The following MYO1D variants were observed in gnomAD, a reference collection of about 807,000 sequenced individuals.
MYO1D encodes unconventional myosin-Id.
MYO1D carries 83 observed loss-of-function variants against 122.0 expected under a neutral mutation model. The observed-to-expected ratio is 0.68, with a 90% CI of 0.57 to 0.82. The LOEUF (loss-of-function observed/expected upper bound fraction) is 0.82. Among genes scored for constraint, MYO1D ranks in the 40% least tolerant of loss-of-function variants. MYO1D has a pLI of 0.00. For missense variants in MYO1D, 1,157 were observed against 1,269.5 expected (o/e 0.91, Z 1.35); for synonymous variants, 464 against 446.9 (o/e 1.04, Z -0.48).
chr17:32,504,931 T>G (rs1909446678), intron 21 of MYO1D: 1 of 152,482 alleles, frequency 6.6e-6, no homozygotes, highest in Non-Finnish European at 1.5e-5. Flanking sequence ...CCGCTCCCGC[T>G]CCTTCTCCAC....
chr17:32,566,090 AT>A (rs1341886390), intron 21 of MYO1D, among the ~76,000 whole-genome samples: 2 of 152,076 alleles, frequency 1.3e-5, no homozygotes, highest in African/African-American at 4.8e-5. Flanking sequence ...ACAGCTTCCT[AT>A]ATATTCATTC....
At chr17:32,640,281 AAC>A (rs1037574904) in intron 19 of MYO1D, among the ~76,000 whole-genome samples, 1 of 152,164 alleles carries the variant, frequency 6.6e-6, no homozygotes, top group South Asian at 2.1e-4. Flanking sequence ...GAAAACTTGA[AAC>A]ACAGTGAGTG....
intron 20 of MYO1D, among the ~76,000 whole-genome samples, chr17:32,630,344 G>A (rs2087987426): frequency 1.3e-5 from 2 of 152,098 alleles, no homozygotes; most frequent in Admixed American, 6.5e-5. Flanking sequence ...GATTACAGAC[G>A]TCCAGCCTAG....
At chr17:32,795,413 A>AT (rs771532183) in intron 1 of MYO1D, among the ~76,000 whole-genome samples, 377 of 144,554 alleles carry the variant, frequency 2.6e-3, no homozygotes, top group Middle Eastern at 0.014. Flanking sequence ...TTCTATTTAA[A>AT]TTTTTTTTTT....
intron 21 of MYO1D, among the ~76,000 whole-genome samples, chr17:32,504,061 A>G (rs796300709): frequency 6.6e-6 from 1 of 152,200 alleles, no homozygotes; most frequent in South Asian, 2.1e-4. Flanking sequence ...GCTGGTGAGG[A>G]ATGGGGCAAA....
chr17:32,740,990 G>GAC (rs1170640272), intron 13 of MYO1D, among the ~76,000 whole-genome samples: 1 of 151,920 alleles, frequency 6.6e-6, no homozygotes, highest in African/African-American at 2.4e-5. Flanking sequence ...CACAGACACA[G>GAC]ACACACACAT....
At chr17:32,502,838 C>T (rs1335704426) in intron 21 of MYO1D, among the ~76,000 whole-genome samples, 1 of 152,148 alleles carries the variant, frequency 6.6e-6, no homozygotes, top group Admixed American at 6.5e-5. Context: ...AAGGAAACAT[C>T]GTACAGATGG....
chr17:32,721,682 A>G (rs2089513159), intron 14 of MYO1D, among the ~76,000 whole-genome samples: 2 of 152,202 alleles, frequency 1.3e-5, no homozygotes, highest in Admixed American at 1.3e-4. Context: ...ATATTATTGC[A>G]TTAGTTTGCA....
intron 15 of MYO1D, among the ~76,000 whole-genome samples, chr17:32,713,070 G>GT (rs936643967): frequency 1.8e-4 from 28 of 152,210 alleles, no homozygotes; most frequent in South Asian, 6.2e-4. Flanking sequence ...GTCAAATTTA[G>GT]TTTTTTTCTT....
intron 14 of MYO1D, among the ~76,000 whole-genome samples, chr17:32,725,239 C>T (rs1354721318): frequency 1.3e-5 from 2 of 152,070 alleles, no homozygotes; most frequent in African/African-American, 4.8e-5. Context: ...GTGAAGAAGG[C>T]CAGGTGTGGT....
chr17:32,834,786 G>C (rs552564074), intron 1 of MYO1D, among the ~76,000 whole-genome samples: 13 of 152,306 alleles, frequency 8.5e-5, no homozygotes, highest in Non-Finnish European at 1.8e-4. Context: ...GGCCGAGGCG[G>C]GCAGATCACA....
Position 32,607,115 on chromosome 17 carries a change from G to A in MYO1D, c.2710-1874C>T, listed in dbSNP as rs928606120. Among the ~76,000 whole-genome samples, 3 of 152,146 alleles carry A rather than the reference G, an allele frequency of 2.0e-5. No individual in the cohort carries two copies. In the East Asian group the frequency reaches 5.8e-4, roughly 29 times the overall value. The stretch of plus-strand genomic sequence containing the variant: ...GCGGAGGTTGCAGTGAGTTGAGATC[G>A]CGTCACTGCACTTCAGCCTGGGCAA... On this transcript the variant is annotated intron_variant, in intron 20 of 21. Transcript: ENST00000318217.
In MYO1D at chr17:32,795,723, C is replaced by T. The variant is rs149280670; in HGVS notation, c.96-14939G>A. 6.8e-4 allele frequency among the ~76,000 whole-genome samples: 103 copies of T among 151,748 alleles called. No homozygotes were observed. In the East Asian group the frequency reaches 0.018, roughly 27 times the overall value. On this transcript the variant is annotated intron_variant, in intron 1 of 21. Transcript: ENST00000318217. The stretch of plus-strand genomic sequence containing the variant: ...AGGTGCAACTTGGGGCAGCAACTTG[C>T]GCCAGCAAGACAGCAGAAGGAGGAA...
intron 16 of MYO1D, among the ~76,000 whole-genome samples, chr17:32,660,639 T>A (rs988406630): frequency 6.6e-6 from 1 of 152,168 alleles, no homozygotes; most frequent in Non-Finnish European, 1.5e-5. Context: ...AAGGGAAACA[T>A]GACACATGGG....
chr17:32,750,100 C>T (rs2089883106), intron 11 of MYO1D, among the ~76,000 whole-genome samples: 1 of 152,178 alleles, frequency 6.6e-6, no homozygotes, highest in Non-Finnish European at 1.5e-5. Context: ...GACTCCAGTT[C>T]AGGACTATCA....
intron 1 of MYO1D, among the ~76,000 whole-genome samples, chr17:32,798,264 C>T (rs900853016): frequency 6.6e-6 from 1 of 152,178 alleles, no homozygotes; most frequent in Non-Finnish European, 1.5e-5. Context: ...GGGCCAGACA[C>T]CTTGTCTGCT....
At chr17:32,516,558 C>T (rs1420056458) in intron 21 of MYO1D, among the ~76,000 whole-genome samples, 2 of 152,130 alleles carry the variant, frequency 1.3e-5, no homozygotes, top group South Asian at 2.1e-4. Context: ...TTTGAGAGCC[C>T]CAGAGGAACC....
At chr17:32,651,584 A>G (rs1300358072) in intron 19 of MYO1D, among the ~76,000 whole-genome samples, 1 of 150,260 alleles carries the variant, frequency 6.7e-6, no homozygotes, top group Non-Finnish European at 1.5e-5. Context: ...TTCAGGGAAC[A>G]TTGTCTTTCC....
intron 16 of MYO1D, among the ~76,000 whole-genome samples, chr17:32,663,594 G>A (rs145174849): frequency 3.5e-4 from 53 of 152,128 alleles, no homozygotes; most frequent in Middle Eastern, 3.4e-3. Flanking sequence ...TCCTTGGTTC[G>A]GCTGTAATAA....
Sources: allele counts gnomAD v4.1 joint callset (sites outside exome capture counted in the v4.1 genomes callset), GRCh38; gene constraint gnomAD v4.1.1; transcripts MANE v1.5; gene names NCBI Gene and HGNC (gene_info 2026-07-23, HGNC 2026-07-21).